TOGARAM1: variants seen among roughly 807,000 people sequenced by gnomAD.
The protein encoded by TOGARAM1 is TOG array regulator of axonemal microtubules 1.
In TOGARAM1, 100 loss-of-function variants were observed where a neutral mutation model predicts 166.6. That is an observed-to-expected ratio of 0.60 (90% confidence interval 0.51 to 0.71). TOGARAM1 has a LOEUF of 0.71. Among genes scored for constraint, TOGARAM1 ranks in the 30% least tolerant of loss-of-function variants. The pLI, the probability that TOGARAM1 is intolerant of heterozygous loss-of-function variation, is 0.00. For missense variants in TOGARAM1, 2,029 were observed against 2,102.7 expected (o/e 0.96, Z 0.69); for synonymous variants, 758 against 763.8 (o/e 0.99, Z 0.13).
intron 1 of TOGARAM1, among the ~76,000 whole-genome samples, chr14:44,977,786 C>T (rs1193436222): frequency 6.6e-6 from 1 of 152,038 alleles, no homozygotes. Flanking sequence ...GCTGGGACTA[C>T]AGGCGTGTGC....
intron 16 of TOGARAM1, among the ~76,000 whole-genome samples, chr14:45,058,811 ATTAT>A (rs1258683404): frequency 6.6e-6 from 1 of 151,992 alleles, no homozygotes; most frequent in Non-Finnish European, 1.5e-5. Context: ...TGTTTTATAA[ATTAT>A]TTGTTTCTTT....
chr14:45,027,822 C>T (rs148752305), intron 9 of TOGARAM1, among the ~76,000 whole-genome samples: 2,827 of 150,844 alleles, frequency 0.019, 32 homozygotes, highest in African/African-American at 0.038. Flanking sequence ...TGCAGTAAAC[C>T]GTGATTACGC....
In TOGARAM1 at chr14:45,066,639, G is replaced by T. The variant is rs750515380; in HGVS notation, c.4621G>T (p.Ala1541Ser). 7 of 1,613,758 alleles carry T rather than the reference G, an allele frequency of 4.3e-6. No individual in the cohort carries two copies. In the Admixed American group the frequency reaches 1.0e-4, roughly 23 times the overall value. Residue 1541 changes from alanine (A) to serine (S), a missense_variant, in exon 17 of 20, where the codon GCT (alanine) becomes TCT (serine). Physicochemically the swap from Ala to Ser is moderately conservative, Grantham distance 99. Coordinates refer to ENST00000361462, the MANE Select transcript of TOGARAM1 (RefSeq NM_001308120.2). The part of the protein sequence containing the change: ...KSVPRNSLES[A>S]EYLKLITGLL... Reference sequence around the variant, plus strand: ...AGTCCCTCGTAATTCCTTAGAAAGTGCTGAGTACCTTAAACTCATAACTGG... The same window carrying T: ...AGTCCCTCGTAATTCCTTAGAAAGTTCTGAGTACCTTAAACTCATAACTGG...
intron 16 of TOGARAM1, among the ~76,000 whole-genome samples, chr14:45,063,710 C>T (rs1263665864): frequency 6.6e-6 from 1 of 152,062 alleles, no homozygotes; most frequent in African/African-American, 2.4e-5. Context: ...CATCTCTTGA[C>T]CTTGTGATCC....
rs777838776 is a variant in TOGARAM1, at chr14:45,028,200, A to T, written c.3529A>T (p.Thr1177Ser). Residue 1177 changes from threonine (T) to serine (S), a missense_variant, in exon 10 of 20, where the codon ACT (threonine) becomes TCT (serine). Thr to Ser is a moderately conservative substitution (Grantham distance 58). Around this residue, in one of 2 missense-constraint regions of TOGARAM1, gnomAD observed 1,453 missense variants for 1,432.2 expected, o/e 1.01. Coordinates refer to ENST00000361462, the MANE Select transcript of TOGARAM1 (RefSeq NM_001308120.2). ...GGCTAAAGTTTCTATTTCTAAATCT[A>T]CTTATAACAAGATGAGACAAAAGAG... ...KDAKVSISKS[T>S]YNKMRQKRKE... The T allele has an allele frequency of 1.2e-5, 19 of 1,584,448 alleles. No individual in the cohort carries two copies. In the South Asian group the frequency reaches 2.2e-4, roughly 19 times the overall value.
At chr14:45,045,033 A>T (rs776174044) in intron 13 of TOGARAM1, among the ~76,000 whole-genome samples, 163 bp downstream of exon 13, 1 of 152,230 alleles carries the variant, frequency 6.6e-6, no homozygotes, top group African/African-American at 2.4e-5. Flanking sequence ...GAATATGAAA[A>T]GAATAATTTT....
chr14:44,973,851 T>C (rs1413861184), intron 1 of TOGARAM1, among the ~76,000 whole-genome samples: 1 of 151,834 alleles, frequency 6.6e-6, no homozygotes, highest in Non-Finnish European at 1.5e-5. Context: ...CTTCTTTGTA[T>C]GGTTTCTGAG....
At chr14:45,023,640 C>A (rs1880654936) in intron 7 of TOGARAM1, among the ~76,000 whole-genome samples, 1 of 152,142 alleles carries the variant, frequency 6.6e-6, no homozygotes, top group African/African-American at 2.4e-5. Flanking sequence ...TAGAGCTATT[C>A]CCATTTTTTC....
chr14:44,964,054 A>G lies in TOGARAM1; in HGVS notation c.1633A>G (p.Lys545Glu). ...ATTGGCATCATCAATGGGCTCAGGT[A>G]AAACCAGCATCCTTTTTAAAGCTGT... Reference protein sequence around the residue: ...AVLASSMGSGKTSILFKAVDT... With the variant: ...AVLASSMGSGETSILFKAVDT... Residue 545 changes from lysine to glutamate, a missense_variant, in exon 1 of 20, where the codon AAA becomes GAA. Lys to Glu is a moderately conservative substitution (Grantham distance 56). Transcript: ENST00000361462. 1.9e-6 allele frequency: 3 copies of G among 1,614,162 alleles called. No individual in the cohort carries two copies. The highest frequency in any genetic ancestry group is 2.5e-6 in the Non-Finnish European group (3 of 1,179,978).
At chr14:44,970,769 GCT>G (rs369516711) in intron 1 of TOGARAM1, among the ~76,000 whole-genome samples, 1 of 152,168 alleles carries the variant, frequency 6.6e-6, no homozygotes, top group East Asian at 1.9e-4. Context: ...TTTGTCTAAT[GCT>G]TTTTTGCATC....
chr14:45,057,519 T>C (rs1369175381), intron 16 of TOGARAM1, among the ~76,000 whole-genome samples: 1 of 152,086 alleles, frequency 6.6e-6, no homozygotes, highest in East Asian at 1.9e-4. Context: ...CTCAAATTCT[T>C]GGGCTCAAGC....
intron 16 of TOGARAM1, among the ~76,000 whole-genome samples, chr14:45,060,613 A>G (rs1229574854): frequency 6.6e-6 from 1 of 152,180 alleles, no homozygotes; most frequent in East Asian, 1.9e-4. Flanking sequence ...CCTGGATCAG[A>G]TATCTTGGTC....
Position 44,979,955 on chromosome 14 carries a change from C to T in TOGARAM1, c.2046+15488C>T, listed in dbSNP as rs1377154365. On this transcript the variant is annotated intron_variant, in intron 1 of 19. Coordinates refer to ENST00000361462, the MANE Select transcript of TOGARAM1 (RefSeq NM_001308120.2). ...TGTGATTCCTTTGGAATCCTCAGCT[C>T]CTAATGAACCACTGAGCCTCAGAGC... is the stretch of plus-strand genomic sequence containing the variant. Among the ~76,000 whole-genome samples the T allele has an allele frequency of 7.9e-5, 12 of 152,150 alleles. No individual in the cohort carries two copies. In the East Asian group the frequency reaches 2.3e-3, roughly 29 times the overall value.
chr14:45,032,031 G>A (rs943793494), intron 10 of TOGARAM1, among the ~76,000 whole-genome samples, 192 bp from the exon 11 acceptor site: 13 of 152,076 alleles, frequency 8.5e-5, no homozygotes, highest in African/African-American at 2.7e-4. Context: ...ATTGTGGTGC[G>A]CACCTGTAGT....
At chr14:45,033,995 A>G (rs1417740427) in intron 11 of TOGARAM1, among the ~76,000 whole-genome samples, 1 of 152,118 alleles carries the variant, frequency 6.6e-6, no homozygotes, top group Non-Finnish European at 1.5e-5. Context: ...CTGTACTAAA[A>G]AACGCAAAAA....
chr14:45,001,581 A>T (rs566276563), intron 3 of TOGARAM1, among the ~76,000 whole-genome samples: 1 of 152,332 alleles, frequency 6.6e-6, no homozygotes, highest in South Asian at 2.1e-4. Flanking sequence ...TACAATGTGA[A>T]AATGGGCAAA....
intron 1 of TOGARAM1, among the ~76,000 whole-genome samples, chr14:44,965,021 T>G (rs1355867288): frequency 6.6e-6 from 1 of 150,598 alleles, no homozygotes; most frequent in Non-Finnish European, 1.5e-5. Context: ...GAACTGAGAT[T>G]TTCCCCCCAA....
intron 7 of TOGARAM1, among the ~76,000 whole-genome samples, chr14:45,023,353 C>G (rs1406407380): frequency 1.3e-5 from 2 of 152,114 alleles, no homozygotes; most frequent in East Asian, 1.9e-4. Flanking sequence ...AGTAATAGAG[C>G]CTGATATTTA....
At chr14:45,068,230 A>G (rs1883222191) in intron 17 of TOGARAM1, among the ~76,000 whole-genome samples, 194 bp from the exon 18 acceptor site, 1 of 152,132 alleles carries the variant, frequency 6.6e-6, no homozygotes, top group Non-Finnish European at 1.5e-5. Context: ...TTTTGTTACA[A>G]GAAGATTTGA....
Sources: gnomAD v4.1 joint callset for allele counts (sites outside exome capture counted in the v4.1 genomes callset) on GRCh38, gnomAD v4.1.1 for gene constraint, gnomAD v4.1.1 regional missense constraint, MANE v1.5 for transcripts, NCBI Gene and HGNC (gene_info 2026-07-23, HGNC 2026-07-21) for gene names.